MAGI1: variants seen among roughly 807,000 people sequenced by gnomAD.
The protein encoded by MAGI1 is membrane associated guanylate kinase, WW and PDZ domain containing 1.
MAGI1 carries 58 observed loss-of-function variants against 139.9 expected under a neutral mutation model. The observed-to-expected ratio is 0.41, with a 90% CI of 0.34 to 0.52. The LOEUF (loss-of-function observed/expected upper bound fraction) is 0.52. Among genes scored for constraint, MAGI1 ranks in the 20% least tolerant of loss-of-function variants. The pLI is 0.12. For missense variants in MAGI1, 1,874 were observed against 1,901.6 expected (o/e 0.99, Z 0.27); for synonymous variants, 812 against 737.9 (o/e 1.10, Z -1.63).
At chr3:65,994,479 G>C (rs962080035) in intron 1 of MAGI1, among the ~76,000 whole-genome samples, 7 of 152,132 alleles carry the variant, frequency 4.6e-5, no homozygotes, top group African/African-American at 1.7e-4. Flanking sequence ...TCCACCCTGG[G>C]TGCTGACTAA....
At chr3:65,387,071 C>T (rs1028746377) in intron 14 of MAGI1, 3 of 1,338,770 alleles carry the variant, frequency 2.2e-6, no homozygotes, top group Non-Finnish European at 3.2e-6. Flanking sequence ...TCTCCCCAGG[C>T]CCCCAGACCA....
At chr3:65,546,863 T>G (rs2079529768) in intron 2 of MAGI1, among the ~76,000 whole-genome samples, 1 of 152,192 alleles carries the variant, frequency 6.6e-6, no homozygotes, top group Non-Finnish European at 1.5e-5. Context: ...GAGCCCTTAC[T>G]GAACAAGTCA....
At chr3:65,781,138 G>C (rs2038897011) in intron 1 of MAGI1, among the ~76,000 whole-genome samples, 1 of 151,934 alleles carries the variant, frequency 6.6e-6, no homozygotes, top group Non-Finnish European at 1.5e-5. Flanking sequence ...GGAGGCTGCA[G>C]AGAGCCAAGA....
rs1940100863 is a variant in MAGI1 at position 65,354,107 on chromosome 3, T to C, written c.*2271A>G. On this transcript the variant is annotated 3_prime_UTR_variant, in exon 23 of 23. Coordinates refer to ENST00000402939, the MANE Select transcript of MAGI1 (RefSeq NM_001033057.2). ...AGCATCAGTCATTTAACATCACAGA[T>C]TTTGTTAGAACTAGTGAGAAGAATC... The C allele has an allele frequency of 6.6e-6, 1 of 152,230 alleles. No individual in the cohort carries two copies. The highest frequency in any genetic ancestry group is 2.4e-5 in the African/African-American group (1 of 41,464). 9.4% of individuals were successfully genotyped at this position (152,230 alleles called of 1,614,324 possible). A position where few individuals can be genotyped will look rare whatever the true frequency, so the allele number is the denominator to read the frequency against.
chr3:65,770,385 G>T (rs1298130749), intron 1 of MAGI1, among the ~76,000 whole-genome samples: 1 of 152,126 alleles, frequency 6.6e-6, no homozygotes, highest in Non-Finnish European at 1.5e-5. Context: ...GTAGGGCATT[G>T]GTGATTTAAG....
At chr3:65,645,417 T>C (rs535837924) in intron 1 of MAGI1, among the ~76,000 whole-genome samples, 1 of 152,166 alleles carries the variant, frequency 6.6e-6, no homozygotes, top group African/African-American at 2.4e-5. Context: ...AGAAACGAAC[T>C]GTCAGCCCAG....
chr3:65,706,453 C>G, intron 1 of MAGI1, among the ~76,000 whole-genome samples: 1 of 152,294 alleles, frequency 6.6e-6, no homozygotes, highest in African/African-American at 2.4e-5. Context: ...AACAAATGTG[C>G]GCCCAGCACC....
chr3:65,549,505 G>C (rs2079710622), intron 2 of MAGI1: 1 of 984,924 alleles, frequency 1.0e-6, no homozygotes, highest in Non-Finnish European at 1.2e-6. Context: ...GCGTCTGAGC[G>C]GCCCGGCGGC....
intron 1 of MAGI1, among the ~76,000 whole-genome samples, chr3:65,836,816 GAGAGAA>G (rs1211969535): frequency 1.3e-5 from 2 of 152,108 alleles, no homozygotes; most frequent in African/African-American, 4.8e-5. Context: ...GAGAGAGACA[GAGAGAA>G]AGAGAAAGAG....
At chr3:65,575,281 C>T (rs1423428444) in intron 2 of MAGI1, among the ~76,000 whole-genome samples, 1 of 151,958 alleles carries the variant, frequency 6.6e-6, no homozygotes, top group African/African-American at 2.4e-5. Flanking sequence ...CAAATGAGCA[C>T]ATGAAAAATT....
intron 5 of MAGI1, among the ~76,000 whole-genome samples, chr3:65,463,134 T>C (rs1388409640): frequency 2.6e-5 from 4 of 152,112 alleles, no homozygotes; most frequent in Non-Finnish European, 5.9e-5. Context: ...CTGATTGCCC[T>C]AGCCAGAACT....
rs1575781806 is a variant in MAGI1 at position 65,447,995 on chromosome 3, C to G, written c.1078+27G>C. The G allele has an allele frequency of 3.7e-6, 6 of 1,606,722 alleles. No homozygotes were observed. The African/African-American group carries it at 8.0e-5, about 21-fold the overall frequency. Reference sequence around the variant, plus strand: ...CAGGCCATGTCATGCACGTGTCATGCAGCAGCAGCAGGCAGGGAGGGTTTA... The same window carrying G: ...CAGGCCATGTCATGCACGTGTCATGGAGCAGCAGCAGGCAGGGAGGGTTTA... On this transcript the variant is annotated intron_variant, in intron 7 of 22. Transcript: ENST00000402939.
rs994539787 is a variant in MAGI1 at position 65,356,128 on chromosome 3, C to T, written c.*250G>A. On this transcript the variant is annotated 3_prime_UTR_variant, in exon 23 of 23. Transcript: ENST00000402939. ...GAAACAAAATTTATATCCCTTTGGG[C>T]CAGCATTTGGCAAATAATTTCCAAA... 1.5e-5 allele frequency: 5 copies of T among 338,524 alleles called. No homozygotes were observed. The highest frequency in any genetic ancestry group is 2.1e-5 in the African/African-American group (1 of 46,970). The allele number at this position is 338,524 out of a possible 1,614,324, so 21.0% of individuals were successfully genotyped here.
chr3:65,972,598 T>C (rs184259681), intron 1 of MAGI1, among the ~76,000 whole-genome samples: 1 of 152,300 alleles, frequency 6.6e-6, no homozygotes, highest in Non-Finnish European at 1.5e-5. Context: ...GTCCAAAATA[T>C]CATGTATTTT....
chr3:65,616,582 G>A (rs1178119555), intron 2 of MAGI1, among the ~76,000 whole-genome samples: 1 of 152,158 alleles, frequency 6.6e-6, no homozygotes, highest in Admixed American at 6.5e-5. Context: ...TCATAGTTTT[G>A]CCACAGGCTA....
At chr3:65,936,826 G>A (rs910014806) in intron 1 of MAGI1, among the ~76,000 whole-genome samples, 1 of 151,934 alleles carries the variant, frequency 6.6e-6, no homozygotes, top group African/African-American at 2.4e-5. Flanking sequence ...CAAACTCCTG[G>A]ACTCAAGCAA....
chr3:65,377,926 T>C (rs1460131144), intron 17 of MAGI1, among the ~76,000 whole-genome samples: 1 of 152,204 alleles, frequency 6.6e-6, no homozygotes, highest in Non-Finnish European at 1.5e-5. Flanking sequence ...AAGTGAGCTC[T>C]ACTGGATGAG....
chr3:65,375,982 C>G (rs754173737), intron 17 of MAGI1, 37 bp from the exon 18 acceptor site: 1 of 1,511,010 alleles, frequency 6.6e-7, no homozygotes, highest in Non-Finnish European at 9.2e-7. Context: ...TTTAAAGTTA[C>G]GTGGGAATAT....
chr3:65,926,328 T>C (rs1210198355), intron 1 of MAGI1, among the ~76,000 whole-genome samples: 1 of 12,110 alleles, frequency 8.3e-5, no homozygotes, highest in Admixed American at 1.4e-3. Context: ...AGTCTTCTTT[T>C]CTCTCTCTCT....
Sources: gnomAD v4.1 joint callset for allele counts (sites outside exome capture counted in the v4.1 genomes callset) on GRCh38, gnomAD v4.1.1 for gene constraint, MANE v1.5 for transcripts, NCBI Gene and HGNC (gene_info 2026-07-23, HGNC 2026-07-21) for gene names.